Variants in CTNNA3 observed in about 807,000 individuals in gnomAD.
CTNNA3 encodes the protein catenin alpha-3.
Under a neutral mutation model 95.7 loss-of-function variants are expected in CTNNA3, and 76 were observed. That is an observed-to-expected ratio of 0.79 (90% CI 0.66 to 0.96). The LOEUF (loss-of-function observed/expected upper bound fraction) is 0.96. Ranked by LOEUF, CTNNA3 falls within the 40% of genes least tolerant of loss-of-function variation. The probability of loss-of-function intolerance (pLI) is 0.00; values close to 1 mark genes in which losing one functional copy is unlikely to be tolerated. For missense variants in CTNNA3, 1,191 were observed against 1,089.8 expected (o/e 1.09, Z -1.31); for synonymous variants, 431 against 374.4 (o/e 1.15, Z -1.74).
At chr10:67,074,263 C>T (rs1235555898) in intron 7 of CTNNA3, among the ~76,000 whole-genome samples, 1 of 151,176 alleles carries the variant, frequency 6.6e-6, no homozygotes, top group African/African-American at 2.4e-5. Context: ...ATCTCTCGAC[C>T]TCATGATCTG....
intron 11 of CTNNA3, among the ~76,000 whole-genome samples, chr10:66,416,356 G>T (rs2093145949): frequency 4.0e-5 from 6 of 151,850 alleles, no homozygotes; most frequent in Admixed American, 3.9e-4. Flanking sequence ...ATCCAAGAAG[G>T]CAAAGAGAGA....
At chr10:67,255,164 G>T (rs993507941) in intron 5 of CTNNA3, among the ~76,000 whole-genome samples, 1 of 152,070 alleles carries the variant, frequency 6.6e-6, no homozygotes, top group Non-Finnish European at 1.5e-5. Context: ...GCATGGCGGT[G>T]TGCACCTGTA....
At chr10:66,074,821 T>C (rs1333654406) in intron 14 of CTNNA3, among the ~76,000 whole-genome samples, 1 of 151,922 alleles carries the variant, frequency 6.6e-6, no homozygotes, top group Non-Finnish European at 1.5e-5. Flanking sequence ...ATTTTTCATT[T>C]GTACTTTTTA....
At chr10:67,128,474 C>T (rs1327291138) in intron 7 of CTNNA3, among the ~76,000 whole-genome samples, 2 of 151,910 alleles carry the variant, frequency 1.3e-5, no homozygotes, top group East Asian at 3.9e-4. Context: ...AATATTCTTC[C>T]CCAGGTTAAC....
chr10:67,571,667 T>G (rs1351191820), intron 3 of CTNNA3, among the ~76,000 whole-genome samples: 2 of 152,134 alleles, frequency 1.3e-5, no homozygotes, highest in African/African-American at 4.8e-5. Context: ...CTTGTGCAAC[T>G]GATTTACTGG....
intron 7 of CTNNA3, among the ~76,000 whole-genome samples, chr10:67,020,872 G>A (rs548378837): frequency 9.9e-5 from 15 of 152,240 alleles, no homozygotes; most frequent in Admixed American, 9.8e-4. Flanking sequence ...CTAATGCATG[G>A]AAGAGGAAAA....
At chr10:66,222,522 A>C (rs12784844) in intron 13 of CTNNA3, among the ~76,000 whole-genome samples, 11,716 of 151,812 alleles carry the variant, frequency 0.077, 584 homozygotes, top group Admixed American at 0.12. Flanking sequence ...GTTGGGAAGG[A>C]AGGAAAGAAG....
At chr10:67,315,101 C>A (rs1840985971) in intron 5 of CTNNA3, among the ~76,000 whole-genome samples, 1 of 152,188 alleles carries the variant, frequency 6.6e-6, no homozygotes, top group African/African-American at 2.4e-5. Context: ...GTCCTCAGAC[C>A]TTTTCTTTTC....
At chr10:67,106,881 A>G (rs1418122590) in intron 7 of CTNNA3, among the ~76,000 whole-genome samples, 1 of 152,210 alleles carries the variant, frequency 6.6e-6, no homozygotes, top group African/African-American at 2.4e-5. Context: ...ATACATGAGT[A>G]TATGACATAG....
At chr10:67,558,868 C>T (rs1420627300) in intron 3 of CTNNA3, among the ~76,000 whole-genome samples, 9 of 152,178 alleles carry the variant, frequency 5.9e-5, no homozygotes, top group African/African-American at 1.4e-4. Flanking sequence ...CCTACGCCCA[C>T]GGAGTCTCGC....
At chr10:66,846,048 C>T (rs1843260496) in intron 7 of CTNNA3, among the ~76,000 whole-genome samples, 1 of 151,742 alleles carries the variant, frequency 6.6e-6, no homozygotes, top group African/African-American at 2.4e-5. Context: ...AAGAGAATCG[C>T]TTGAACCCGG....
chr10:66,110,163 C>T (rs1372351300), intron 13 of CTNNA3, among the ~76,000 whole-genome samples: 1 of 151,824 alleles, frequency 6.6e-6, no homozygotes, highest in East Asian at 1.9e-4. Context: ...GAGTTCAAGA[C>T]CAGCCTGGCC....
chr10:66,731,041 A>G (rs1848944167), intron 9 of CTNNA3, among the ~76,000 whole-genome samples: 1 of 152,166 alleles, frequency 6.6e-6, no homozygotes, highest in Non-Finnish European at 1.5e-5. Flanking sequence ...ATTATTATGG[A>G]TCAGTCAAGG....
intron 1 of CTNNA3, among the ~76,000 whole-genome samples, chr10:67,736,189 C>A (rs925390828): frequency 5.9e-5 from 9 of 152,044 alleles, no homozygotes; most frequent in African/African-American, 2.2e-4. Flanking sequence ...ATAAGCCTGA[C>A]ACAAAAGGAT....
intron 5 of CTNNA3, among the ~76,000 whole-genome samples, chr10:67,448,206 G>A (rs866722767): frequency 6.6e-6 from 1 of 152,140 alleles, no homozygotes; most frequent in Non-Finnish European, 1.5e-5. Flanking sequence ...AGCAGGGAAA[G>A]GGACTGGTTT....
intron 13 of CTNNA3, among the ~76,000 whole-genome samples, chr10:66,129,136 T>C (rs934259234): frequency 1.3e-5 from 2 of 152,168 alleles, no homozygotes; most frequent in South Asian, 2.1e-4. Flanking sequence ...TGGTGGCATA[T>C]GCCTGTAATC....
chr10:66,173,749 AAC>A (rs2085557534), intron 13 of CTNNA3, among the ~76,000 whole-genome samples: 1 of 152,142 alleles, frequency 6.6e-6, no homozygotes, highest in Non-Finnish European at 1.5e-5. Flanking sequence ...AGGGCTAAGG[AAC>A]ACAGAGAATT....
At chr10:66,631,928 C>A (rs1039308592) in intron 9 of CTNNA3, among the ~76,000 whole-genome samples, 1 of 150,376 alleles carries the variant, frequency 6.6e-6, no homozygotes, top group Non-Finnish European at 1.5e-5. Context: ...ATATATTTTT[C>A]TATATATTTT....
intron 11 of CTNNA3, among the ~76,000 whole-genome samples, chr10:66,479,978 A>ACACACACACACACACACACC (rs1427904243): frequency 5.3e-5 from 8 of 151,332 alleles, no homozygotes; most frequent in African/African-American, 1.2e-4. Flanking sequence ...ACACACACAC[A>ACACACACACACACACACACC]CCCCAGAACT....
Sources: allele counts gnomAD v4.1 joint callset (sites outside exome capture counted in the v4.1 genomes callset), GRCh38; gene constraint gnomAD v4.1.1; transcripts MANE v1.5; gene names NCBI Gene and HGNC (gene_info 2026-07-23, HGNC 2026-07-21).